MOAP1: variants seen among roughly 807,000 people sequenced by gnomAD.
MOAP1 encodes the protein MAP1.
For missense variants in MOAP1, 385 were observed against 418.6 expected (o/e 0.92, Z 0.70); for synonymous variants, 150 against 161.0 (o/e 0.93, Z 0.52).
rs1353571994 is a variant in MOAP1 at position 93,184,683 on chromosome 14, A to C, written c.-245T>G. 6.6e-6 allele frequency: 1 copy of C among 152,234 alleles called. No individual in the cohort carries two copies. Among genetic ancestry groups the C allele is most frequent in the Non-Finnish European group, 1.5e-5 (1 of 68,066 alleles). The allele number at this position is 152,234 out of a possible 1,614,324, so 9.4% of individuals were successfully genotyped here. A position where few individuals can be genotyped will look rare whatever the true frequency, so the allele number is the denominator to read the frequency against. On this transcript the variant is annotated 5_prime_UTR_variant, in exon 2 of 3. Coordinates refer to ENST00000298894, the MANE Select transcript of MOAP1 (RefSeq NM_022151.5). The surrounding 1 kb of genome is among the most constrained non-coding windows in gnomAD (Gnocchi z 4.2). Reference sequence around the variant, plus strand: ...GGACACTCGGGGGCCACAGCGACCGATGCCGGTACTCCAGGTGCCTGTGGT... The same window carrying C: ...GGACACTCGGGGGCCACAGCGACCGCTGCCGGTACTCCAGGTGCCTGTGGT...
Position 93,183,273 on chromosome 14 carries a change from G to A in MOAP1, c.970C>T (p.Gln324Ter). The A allele has an allele frequency of 6.2e-7, 1 of 1,614,136 alleles. No homozygotes were observed. The highest frequency in any genetic ancestry group is 1.1e-5 in the South Asian group (1 of 91,084). Residue 324 changes from glutamine (Q) to a stop codon, truncating the protein, a stop_gained, in exon 3 of 3, where the codon CAG becomes TAG. Transcript: ENST00000298894. LOFTEE classifies it high-confidence loss of function. ...PEDGPAPGFL[Q>*]LLVLIKDYEA... Reference sequence around the variant, plus strand: ...TAATCCTTTATTAGTACCAATAACTGCAAGAAACCAGGGGCTGGGCCATCC... The same window carrying A: ...TAATCCTTTATTAGTACCAATAACTACAAGAAACCAGGGGCTGGGCCATCC...
rs921247854 is a variant in MOAP1 at position 93,182,252 on chromosome 14, C to T, written c.*935G>A. 2.0e-5 allele frequency: 3 copies of T among 152,550 alleles called. No individual in the cohort carries two copies. Among genetic ancestry groups the T allele is most frequent in the Admixed American group, 2.0e-4 (3 of 15,264 alleles). 9.4% of individuals were successfully genotyped at this position (152,550 alleles called of 1,614,324 possible). A position where few individuals can be genotyped will look rare whatever the true frequency, so the allele number is the denominator to read the frequency against. The stretch of plus-strand genomic sequence containing the variant: ...TTCACACCTATAATTTTATAACAAT[C>T]GTGAAAATGTTACTCAGAACTAGAT... On this transcript the variant is annotated 3_prime_UTR_variant, in exon 3 of 3. Transcript: ENST00000298894.
Position 93,182,430 on chromosome 14 carries a change from C to A in MOAP1, c.*757G>T, listed in dbSNP as rs1227509066. 1 of 152,600 alleles carries A rather than the reference C, an allele frequency of 6.6e-6. No homozygotes were observed. The highest frequency in any genetic ancestry group is 1.9e-4 in the East Asian group (1 of 5,192). 9.5% of individuals were successfully genotyped at this position (152,600 alleles called of 1,614,324 possible). On this transcript the variant is annotated 3_prime_UTR_variant, in exon 3 of 3. Coordinates refer to ENST00000298894, the MANE Select transcript of MOAP1 (RefSeq NM_022151.5). ...ATAACTTAATATCTTAACCTCCGCT[C>A]AGGATCTTCATCATAAATGTAGGTC...
At position 93,183,779 on chromosome 14, in the gene MOAP1, G is replaced by T. The variant is rs2140082966; in HGVS notation, c.464C>A (p.Pro155His). The T allele has an allele frequency of 1.2e-6, 2 of 1,614,130 alleles. No homozygotes were observed. The highest frequency in any genetic ancestry group is 2.2e-5 in the South Asian group (2 of 91,086). ...MLAQALEALQPALQCLKYKKL... is the reference protein window; with the variant it reads ...MLAQALEALQHALQCLKYKKL... Reference sequence around the variant, plus strand: ...TTTATACTTCAAGCATTGCAGGGCAGGCTGAAGAGCCTCTAATGCCTGTGC... The same window carrying T: ...TTTATACTTCAAGCATTGCAGGGCATGCTGAAGAGCCTCTAATGCCTGTGC... The change falls in exon 3 of 3, where the codon CCT (proline) becomes CAT (histidine). Residue 155 changes from proline (P) to histidine (H), a missense_variant. Transcript: ENST00000298894.
rs761676587 is a variant in MOAP1, at chr14:93,183,463, C to T, written c.780G>A (p.Lys260=). 4 of 1,614,224 alleles carry T rather than the reference C, an allele frequency of 2.5e-6. No homozygotes were observed. The highest frequency in any genetic ancestry group is 4.5e-5 in the East Asian group (2 of 44,894). The change falls in exon 3 of 3, where the codon AAG becomes AAA. Residue 260 remains lysine, a synonymous_variant. Coordinates refer to ENST00000298894, the MANE Select transcript of MOAP1 (RefSeq NM_022151.5). ...CATAAGCCGACAACTTTTCCTCATC[C>T]TTCTGGTAAGTGGTTAGATATTTGA... The part of the protein sequence containing the change: ...LQVKYLTTYQ[K]DEEKLSAYVL...
Position 93,183,438 on chromosome 14 carries a change from C to T in MOAP1, c.805G>A (p.Val269Ile), listed in dbSNP as rs747168471. 1 of 1,614,130 alleles carries T rather than the reference C, an allele frequency of 6.2e-7. No individual in the cohort carries two copies. The highest frequency in any genetic ancestry group is 1.3e-5 in the African/African-American group (1 of 74,940). ...TGTAACAAAGGCTCCAGCCTTAGTACATAAGCCGACAACTTTTCCTCATCC... is the reference window on the plus strand; with the variant it reads ...TGTAACAAAGGCTCCAGCCTTAGTATATAAGCCGACAACTTTTCCTCATCC... Reference protein sequence around the residue: ...QKDEEKLSAYVLRLEPLLQKL... With the variant: ...QKDEEKLSAYILRLEPLLQKL... Residue 269 changes from valine to isoleucine, a missense_variant, in exon 3 of 3, where the codon GTA (valine) becomes ATA (isoleucine). Val to Ile is a conservative substitution (Grantham distance 29). Transcript: ENST00000298894.
Position 93,183,641 on chromosome 14 carries a change from T to G in MOAP1, c.602A>C (p.Glu201Ala). The G allele has an allele frequency of 6.2e-7, 1 of 1,614,182 alleles. No individual in the cohort carries two copies. Among genetic ancestry groups the G allele is most frequent in the Non-Finnish European group, 8.5e-7 (1 of 1,180,030 alleles). Residue 201 changes from glutamate (E) to alanine (A), a missense_variant, in exon 3 of 3, where the codon GAG (glutamate) becomes GCG (alanine). Transcript: ENST00000298894. Reference protein sequence around the residue: ...MIKAWQVPDVEKRRRLLESLR... With the variant: ...MIKAWQVPDVAKRRRLLESLR... Reference sequence around the variant, plus strand: ...GCTCTCTAGCAATCGCCTTCTCTTCTCTACATCTGGCACCTGCCACGCCTT... The same window carrying G: ...GCTCTCTAGCAATCGCCTTCTCTTCGCTACATCTGGCACCTGCCACGCCTT...
Position 93,183,395 on chromosome 14 carries a change from CCT to C in MOAP1, c.846_847del (p.Gly283SerfsTer3), listed in dbSNP as rs775756148. The C allele has an allele frequency of 3.7e-6, 6 of 1,614,180 alleles. No individual in the cohort carries two copies. The South Asian group carries it at 6.6e-5, about 18-fold the overall frequency. The stretch of plus-strand genomic sequence containing the variant: ...ATTCACAGCATCTCTCTCAATTGCT[CCT>C]CTCTGTACCAGCTTCTGTAACAAAG... On this transcript the variant is annotated frameshift_variant, in exon 3 of 3. Coordinates refer to ENST00000298894, the MANE Select transcript of MOAP1 (RefSeq NM_022151.5). LOFTEE classifies it low-confidence loss of function (END_TRUNC).
At position 93,184,286 on chromosome 14, in the gene MOAP1, C is replaced by A; in HGVS notation, c.-44G>T. On this transcript the variant is annotated 5_prime_UTR_variant, in exon 3 of 3. Coordinates refer to ENST00000298894, the MANE Select transcript of MOAP1 (RefSeq NM_022151.5). The surrounding 1 kb of genome is among the most constrained non-coding windows in gnomAD (Gnocchi z 4.2). Reference sequence around the variant, plus strand: ...CTTAAGTTCTAAATATGCCAGACCACAGGCGACCACCGAAATTCAAAGTAA... The same window carrying A: ...CTTAAGTTCTAAATATGCCAGACCAAAGGCGACCACCGAAATTCAAAGTAA... 7.7e-7 allele frequency: 1 copy of A among 1,304,004 alleles called. No individual in the cohort carries two copies. The highest frequency in any genetic ancestry group is 9.8e-7 in the Non-Finnish European group (1 of 1,016,426). The allele number at this position is 1,304,004 out of a possible 1,614,324, so 80.8% of individuals were successfully genotyped here. A position where few individuals can be genotyped will look rare whatever the true frequency, so the allele number is the denominator to read the frequency against.
At position 93,184,142 on chromosome 14, in the gene MOAP1, T is replaced by C; in HGVS notation, c.101A>G (p.Glu34Gly). Residue 34 changes from glutamate (E) to glycine (G), a missense_variant, in exon 3 of 3, where the codon GAA becomes GGA. Physicochemically the swap from Glu to Gly is moderately conservative, Grantham distance 98. Coordinates refer to ENST00000298894, the MANE Select transcript of MOAP1 (RefSeq NM_022151.5). This position sits in a 1 kb window ranked among gnomAD's most constrained non-coding sequence, Gnocchi z 4.2. ...ACCAGCCTGCAGAGCCTCCTCGATT[T>C]CTGCCACACTGCAGCTCTGGGAGAT... The part of the protein sequence containing the change: ...AGISQSCSVA[E>G]IEEALQAGLA... 1 of 1,614,164 alleles carries C rather than the reference T, an allele frequency of 6.2e-7. No homozygotes were observed. Among genetic ancestry groups the C allele is most frequent in the East Asian group, 2.2e-5 (1 of 44,868 alleles).
rs1893989306 is a variant in MOAP1 at position 93,184,243 on chromosome 14, G to A, written c.-1C>T. 1 of 1,572,510 alleles carries A rather than the reference G, an allele frequency of 6.4e-7. No individual in the cohort carries two copies. Among genetic ancestry groups the A allele is most frequent in the Non-Finnish European group, 8.6e-7 (1 of 1,162,414 alleles). On this transcript the variant is annotated 5_prime_UTR_variant, in exon 3 of 3. Coordinates refer to ENST00000298894, the MANE Select transcript of MOAP1 (RefSeq NM_022151.5). The surrounding 1 kb of genome is among the most constrained non-coding windows in gnomAD (Gnocchi z 4.2). ...AGTCTTCTAAAAGCCTCAAAGTCAT[G>A]GTGCCCGAAATAATAGACTTAAGTT... is the stretch of plus-strand genomic sequence containing the variant.
At position 93,184,039 on chromosome 14, in the gene MOAP1, C is replaced by G. The variant is rs1291880461; in HGVS notation, c.204G>C (p.Gly68=). ...GGGCGTGACTAGTCTCCGCAGTAAGCCCTACTAAGGCTACTTTCCTGTTCT... is the reference window on the plus strand; with the variant it reads ...GGGCGTGACTAGTCTCCGCAGTAAGGCCTACTAAGGCTACTTTCCTGTTCT... ...RDENRKVALV[G]LTAETSHALV... is the part of the protein sequence containing the mutation. The change falls in exon 3 of 3, where the codon GGG becomes GGC. Residue 68 remains glycine, a synonymous_variant. Transcript: ENST00000298894. The surrounding 1 kb of genome is among the most constrained non-coding windows in gnomAD (Gnocchi z 4.2). 2 of 1,613,678 alleles carry G rather than the reference C, an allele frequency of 1.2e-6. No individual in the cohort carries two copies. The highest frequency in any genetic ancestry group is 2.7e-5 in the African/African-American group (2 of 74,904).
Position 93,183,357 on chromosome 14 carries a change from C to A in MOAP1, c.886G>T (p.Asp296Tyr). ...TGGACTGCCCCAGCAATGACTTGGT[C>A]TAGGCGGGCCTGATTCACAGCATCT... ...ERDAVNQARL[D>Y]QVIAGAVHKT... is the part of the protein sequence containing the mutation. The change falls in exon 3 of 3, where the codon GAC becomes TAC. Residue 296 changes from aspartate (D) to tyrosine (Y), a missense_variant. Physicochemically the swap from Asp to Tyr is radical, Grantham distance 160. Coordinates refer to ENST00000298894, the MANE Select transcript of MOAP1 (RefSeq NM_022151.5). The A allele has an allele frequency of 6.2e-7, 1 of 1,614,224 alleles. No individual in the cohort carries two copies. The highest frequency in any genetic ancestry group is 8.5e-7 in the Non-Finnish European group (1 of 1,180,042).
chr14:93,183,646 A>G lies in MOAP1; in HGVS notation c.597T>C (p.Asp199=). The G allele has an allele frequency of 6.2e-7, 1 of 1,614,120 alleles. No homozygotes were observed. The highest frequency in any genetic ancestry group is 1.1e-5 in the South Asian group (1 of 91,078). The change falls in exon 3 of 3, where the codon GAT becomes GAC. Residue 199 remains aspartate, a synonymous_variant. Coordinates refer to ENST00000298894, the MANE Select transcript of MOAP1 (RefSeq NM_022151.5). ...CTAGCAATCGCCTTCTCTTCTCTAC[A>G]TCTGGCACCTGCCACGCCTTTATCA... is the stretch of plus-strand genomic sequence containing the variant. The part of the protein sequence containing the change: ...TQMIKAWQVP[D]VEKRRRLLES...
Position 93,182,856 on chromosome 14 carries a change from G to C in MOAP1, c.*331C>G, listed in dbSNP as rs1128801. ...GAGGCAGGAGAATAGCTTAAACCTG[G>C]AAGGCGGAGGATGCAGTGAGCCAAG... On this transcript the variant is annotated 3_prime_UTR_variant, in exon 3 of 3. Coordinates refer to ENST00000298894, the MANE Select transcript of MOAP1 (RefSeq NM_022151.5). 50,254 of 243,858 alleles carry C rather than the reference G, an allele frequency of 0.21. 5,582 individuals are homozygous for C. Among genetic ancestry groups the C allele is most frequent in the Middle Eastern group, 0.33 (238 of 714 alleles). The allele number at this position is 243,858 out of a possible 1,614,324, so 15.1% of individuals were successfully genotyped here. A position where few individuals can be genotyped will look rare whatever the true frequency, so the allele number is the denominator to read the frequency against.
At position 93,182,713 on chromosome 14, in the gene MOAP1, T is replaced by C. The variant is rs1893954642; in HGVS notation, c.*474A>G. 6.4e-6 allele frequency: 1 copy of C among 157,388 alleles called. No individual in the cohort carries two copies. Among genetic ancestry groups the C allele is most frequent in the Non-Finnish European group, 1.4e-5 (1 of 71,136 alleles). 9.7% of individuals were successfully genotyped at this position (157,388 alleles called of 1,614,324 possible). On this transcript the variant is annotated 3_prime_UTR_variant, in exon 3 of 3. Coordinates refer to ENST00000298894, the MANE Select transcript of MOAP1 (RefSeq NM_022151.5). The stretch of plus-strand genomic sequence containing the variant: ...CAGAGGCCGAAGCAGGTGGATCACT[T>C]GAGGTCAGGAGTTCGAAACTAGCCT...
chr14:93,183,446 GACA>G lies in MOAP1; in HGVS notation c.794_796del (p.Leu265del). 6.2e-7 allele frequency: 1 copy of G among 1,614,180 alleles called. No homozygotes were observed. ...AGGCTCCAGCCTTAGTACATAAGCC[GACA>G]ACTTTTCCTCATCCTTCTGGTAAGT... On this transcript the variant is annotated inframe_deletion, in exon 3 of 3. Coordinates refer to ENST00000298894, the MANE Select transcript of MOAP1 (RefSeq NM_022151.5).
In MOAP1 at chr14:93,184,281, G is replaced by GTGCT; in HGVS notation, c.-40_-39insAGCA. On this transcript the variant is annotated 5_prime_UTR_variant, in exon 3 of 3. Coordinates refer to ENST00000298894, the MANE Select transcript of MOAP1 (RefSeq NM_022151.5). The surrounding 1 kb of genome is among the most constrained non-coding windows in gnomAD (Gnocchi z 4.2). ...ATAGACTTAAGTTCTAAATATGCCAGACCACAGGCGACCACCGAAATTCAA... is the reference window on the plus strand; with the variant it reads ...ATAGACTTAAGTTCTAAATATGCCAGTGCTACCACAGGCGACCACCGAAATTCAA... The GTGCT allele has an allele frequency of 1.5e-6, 2 of 1,312,706 alleles. No homozygotes were observed. Among genetic ancestry groups the GTGCT allele is most frequent in the South Asian group, 2.4e-5 (1 of 42,192 alleles). 81.3% of individuals were successfully genotyped at this position (1,312,706 alleles called of 1,614,324 possible). A position where few individuals can be genotyped will look rare whatever the true frequency, so the allele number is the denominator to read the frequency against.
chr14:93,183,892 C>G lies in MOAP1; in HGVS notation c.351G>C (p.Val117=), dbSNP rs1305437531. ...GTCCAAGAGCTCTGCTCAACTCACC[C>G]ACTGTCATGCCCTCTCCCGCTAAAA... ...NEFLAGEGMT[V]GELSRALGHE... Residue 117 remains valine, a synonymous_variant, in exon 3 of 3, where the codon GTG becomes GTC. Coordinates refer to ENST00000298894, the MANE Select transcript of MOAP1 (RefSeq NM_022151.5). The G allele has an allele frequency of 6.2e-7, 1 of 1,614,092 alleles. No individual in the cohort carries two copies. The highest frequency in any genetic ancestry group is 8.5e-7 in the Non-Finnish European group (1 of 1,180,040).
Sources: allele counts gnomAD v4.1 joint callset, GRCh38; gene constraint gnomAD v4.1.1; non-coding constraint Gnocchi (gnomAD v3.1); transcripts MANE v1.5; gene names NCBI Gene and HGNC (gene_info 2026-07-23, HGNC 2026-07-21).